The following CNTNAP2 variants were observed in gnomAD, a reference collection of about 807,000 sequenced individuals.
CNTNAP2 encodes the protein contactin associated protein 2.
CNTNAP2 carries 98 observed loss-of-function variants against 155.2 expected under a neutral mutation model. That is an observed-to-expected ratio of 0.63 (90% CI 0.54 to 0.75). CNTNAP2 has a LOEUF of 0.75. Ranked by LOEUF, CNTNAP2 falls within the 30% of genes least tolerant of loss-of-function variation. CNTNAP2 has a pLI of 0.00. For missense variants in CNTNAP2, 1,727 were observed against 1,688.1 expected (o/e 1.02, Z -0.40); for synonymous variants, 651 against 631.2 (o/e 1.03, Z -0.47).
chr7:148,182,104 A>AT (rs1325425948), intron 18 of CNTNAP2, among the ~76,000 whole-genome samples: 1 of 151,432 alleles, frequency 6.6e-6, no homozygotes, highest in Non-Finnish European at 1.5e-5. Flanking sequence ...ACACAGCTGA[A>AT]TTTTTTTTCC....
chr7:146,698,651 G>C (rs1216127310), intron 1 of CNTNAP2, among the ~76,000 whole-genome samples: 1 of 151,986 alleles, frequency 6.6e-6, no homozygotes, highest in African/African-American at 2.4e-5. Flanking sequence ...ACTGTGATTT[G>C]TTGTCTGTCT....
chr7:146,358,376 T>A (rs67165780), intron 1 of CNTNAP2, among the ~76,000 whole-genome samples: 22,621 of 152,134 alleles, frequency 0.15, 4,323 homozygotes, highest in African/African-American at 0.44. Flanking sequence ...GATATAGATA[T>A]AAAGTAAAAC....
intron 12 of CNTNAP2, among the ~76,000 whole-genome samples, chr7:147,584,134 T>C (rs1800572031): frequency 6.6e-6 from 1 of 152,182 alleles, no homozygotes; most frequent in Non-Finnish European, 1.5e-5. Context: ...GGGGAATGGC[T>C]CAACCAAGTC....
chr7:147,886,528 CTT>C (rs533034684), intron 13 of CNTNAP2, among the ~76,000 whole-genome samples: 30 of 121,652 alleles, frequency 2.5e-4, no homozygotes, highest in African/African-American at 9.3e-4. Flanking sequence ...CTCTCTCTCT[CTT>C]GAAGTCGTAA....
At chr7:147,067,450 G>C (rs1438780748) in intron 4 of CNTNAP2, among the ~76,000 whole-genome samples, 1 of 151,926 alleles carries the variant, frequency 6.6e-6, no homozygotes, top group Non-Finnish European at 1.5e-5. Context: ...GGGCAATGAG[G>C]GATTAGATCT....
intron 12 of CNTNAP2, among the ~76,000 whole-genome samples, chr7:147,576,551 A>G (rs888391391): frequency 2.0e-5 from 3 of 152,172 alleles, no homozygotes; most frequent in African/African-American, 7.2e-5. Flanking sequence ...CTCTAATTTA[A>G]TGACTGAAAA....
intron 16 of CNTNAP2, among the ~76,000 whole-genome samples, chr7:148,119,937 C>T (rs946904893): frequency 6.6e-6 from 1 of 151,712 alleles, no homozygotes; most frequent in African/African-American, 2.4e-5. Flanking sequence ...ATTAAAATCC[C>T]CCCTTTACTG....
At chr7:148,288,976 A>G (rs10263186) in intron 21 of CNTNAP2, among the ~76,000 whole-genome samples, 52,036 of 142,930 alleles carry the variant, frequency 0.36, 10,266 homozygotes, top group East Asian at 0.65. Context: ...AAAAGAGAGA[A>G]AAACCCACTT....
chr7:146,411,927 C>G (rs575809148), intron 1 of CNTNAP2, among the ~76,000 whole-genome samples: 1 of 151,884 alleles, frequency 6.6e-6, no homozygotes, highest in Non-Finnish European at 1.5e-5. Context: ...ACATCCGCCT[C>G]CCTGGTTCAA....
intron 8 of CNTNAP2, among the ~76,000 whole-genome samples, chr7:147,267,130 G>A (rs1234942170): frequency 1.3e-5 from 2 of 152,150 alleles, no homozygotes; most frequent in African/African-American, 2.4e-5. Flanking sequence ...GACAAAGGGT[G>A]AACACAAAAA....
intron 13 of CNTNAP2, among the ~76,000 whole-genome samples, chr7:147,668,846 T>C (rs1389149116): frequency 6.6e-6 from 1 of 152,172 alleles, no homozygotes; most frequent in Non-Finnish European, 1.5e-5. Flanking sequence ...GCATCTACAG[T>C]AGTGTGCGGT....
At chr7:146,334,503 A>T (rs2129095336) in intron 1 of CNTNAP2, among the ~76,000 whole-genome samples, 1 of 152,078 alleles carries the variant, frequency 6.6e-6, no homozygotes, top group Admixed American at 6.5e-5. Flanking sequence ...TATAGAACTA[A>T]AATCTGTCAC....
At chr7:148,160,992 T>C (rs1421293325) in intron 17 of CNTNAP2, among the ~76,000 whole-genome samples, 1 of 152,228 alleles carries the variant, frequency 6.6e-6, no homozygotes, top group African/African-American at 2.4e-5. Flanking sequence ...ATTGTCTTCA[T>C]GGAAGGTTTC....
intron 2 of CNTNAP2, among the ~76,000 whole-genome samples, chr7:146,795,484 G>A (rs1040365205): frequency 6.6e-6 from 1 of 152,168 alleles, no homozygotes; most frequent in Non-Finnish European, 1.5e-5. Context: ...GTGGAAAGTG[G>A]GATGGAGAAG....
At chr7:146,169,373 T>C (rs1445934334) in intron 1 of CNTNAP2, among the ~76,000 whole-genome samples, 1 of 152,162 alleles carries the variant, frequency 6.6e-6, no homozygotes, top group African/African-American at 2.4e-5. Flanking sequence ...GGAGATAAAA[T>C]TGAGAAATGA....
At chr7:147,494,394 G>C (rs2178211) in intron 11 of CNTNAP2, among the ~76,000 whole-genome samples, 43,032 of 145,142 alleles carry the variant, frequency 0.3, 6,274 homozygotes, top group East Asian at 0.44. Context: ...AATATAGAAA[G>C]AAAGGATTTA....
chr7:147,718,301 G>A (rs1172459044), intron 13 of CNTNAP2, among the ~76,000 whole-genome samples: 3 of 152,024 alleles, frequency 2.0e-5, no homozygotes, highest in Admixed American at 6.6e-5. Context: ...GTATGAGCAC[G>A]TACTACACAG....
At chr7:146,894,895 T>G (rs191143187) in intron 3 of CNTNAP2, among the ~76,000 whole-genome samples, 53 of 152,234 alleles carry the variant, frequency 3.5e-4, no homozygotes, top group Non-Finnish European at 6.8e-4. Context: ...TGAAAAACTT[T>G]TTGAAAACAC....
At chr7:146,538,220 G>T (rs1294509704) in intron 1 of CNTNAP2, among the ~76,000 whole-genome samples, 1 of 152,050 alleles carries the variant, frequency 6.6e-6, no homozygotes, top group Admixed American at 6.6e-5. Flanking sequence ...TTGGATATGG[G>T]CTATATTAAT....
Sources: allele counts gnomAD v4.1 joint callset (sites outside exome capture counted in the v4.1 genomes callset), GRCh38; gene constraint gnomAD v4.1.1; transcripts MANE v1.5; gene names NCBI Gene and HGNC (gene_info 2026-07-23, HGNC 2026-07-21).